Variants in ITIH2 observed in about 807,000 individuals in gnomAD.
The protein encoded by ITIH2 is inter-alpha-trypsin inhibitor heavy chain H2.
ITIH2 carries 103 observed loss-of-function variants against 104.4 expected under a neutral mutation model. The observed-to-expected ratio is 0.99, with a 90% CI of 0.84 to 1.16. ITIH2 has a LOEUF of 1.16. Ranked by LOEUF, ITIH2 falls within the 50% of genes most tolerant of loss-of-function variation. ITIH2 has a pLI of 0.00. For synonymous variants in ITIH2, 436 were observed against 435.4 expected, an observed-to-expected ratio of 1.00 and a Z score of -0.02; for missense variants, 1,108 against 1,162.4, an observed-to-expected ratio of 0.95 and a Z score of 0.68.
At position 7,707,521 on chromosome 10, in the gene ITIH2, C is replaced by T. The variant is rs369660002; in HGVS notation, c.192+288C>T. ...ACTGTATAAATTTATGTATTTATTC[C>T]TACTCAACCTTTTTGATTTATGTAT... is the stretch of plus-strand genomic sequence containing the variant. On this transcript the variant is annotated intron_variant, in intron 3 of 20. Transcript: ENST00000358415. Among the ~76,000 whole-genome samples the T allele has an allele frequency of 9.9e-5, 15 of 151,728 alleles. No homozygotes were observed. In the East Asian group the frequency reaches 1.7e-3, roughly 18 times the overall value.
At chr10:7,727,851 C>T in intron 11 of ITIH2, 23 bp downstream of exon 11, 3 of 1,613,286 alleles carry the variant, frequency 1.9e-6, no homozygotes, top group Non-Finnish European at 2.5e-6. Flanking sequence ...TCAACCTTCT[C>T]ACGACAAACA....
rs1026968652 is a variant in ITIH2 at position 7,721,705 on chromosome 10, G to A, written c.795G>A (p.Arg265=). Residue 265 remains arginine (R), a synonymous_variant, in exon 8 of 21, where the codon CGG becomes CGA. Coordinates refer to ENST00000358415, the MANE Select transcript of ITIH2 (RefSeq NM_002216.3). ...VAQQRICPNC[R]ETAVDGELVV... ...AGCAGAGAATATGCCCTAACTGCCG[G>A]GAGACTGCGGTAGATGGGGAACTGG... The A allele has an allele frequency of 6.2e-7, 1 of 1,613,846 alleles. No homozygotes were observed. Among genetic ancestry groups the A allele is most frequent in the Non-Finnish European group, 8.5e-7 (1 of 1,179,766 alleles).
At position 7,731,421 on chromosome 10, in the gene ITIH2, T is replaced by G. The variant is rs376423598; in HGVS notation, c.1462-390T>G. On this transcript the variant is annotated intron_variant, in intron 12 of 20. Transcript: ENST00000358415. ...AAATTAAGAGGTATCTGCTGATTCTTTGAAGAATCTCAGAGTAAAATGTTT... is the reference window on the plus strand; with the variant it reads ...AAATTAAGAGGTATCTGCTGATTCTGTGAAGAATCTCAGAGTAAAATGTTT... Among the ~76,000 whole-genome samples, 5 of 152,186 alleles carry G rather than the reference T, an allele frequency of 3.3e-5. No homozygotes were observed. The East Asian group carries it at 5.8e-4, about 18-fold the overall frequency.
At chr10:7,727,250 T>C in intron 10 of ITIH2, 132 bp downstream of exon 10, 1 of 705,386 alleles carries the variant, frequency 1.4e-6, no homozygotes, top group Non-Finnish European at 2.3e-6. Flanking sequence ...AATACATTTA[T>C]TGGTAATGGA....
At chr10:7,745,106 G>T in intron 19 of ITIH2, 143 bp downstream of exon 19, 1 of 669,308 alleles carries the variant, frequency 1.5e-6, no homozygotes, top group Admixed American at 3.1e-5. Flanking sequence ...GGGGTCGCTC[G>T]GGAATGTGAC....
intron 4 of ITIH2, among the ~76,000 whole-genome samples, chr10:7,709,574 C>T (rs1052927389): frequency 1.3e-5 from 2 of 151,596 alleles, no homozygotes; most frequent in Non-Finnish European, 2.9e-5. Context: ...AAAAAAAAAA[C>T]AAGTTGAGAA....
intron 20 of ITIH2, among the ~76,000 whole-genome samples, chr10:7,747,150 C>T (rs911587031): frequency 2.6e-5 from 4 of 152,196 alleles, no homozygotes; most frequent in African/African-American, 7.2e-5. Context: ...CCCCCATATG[C>T]TTCATCTGAA....
At chr10:7,738,923 T>G (rs1400351519) in intron 16 of ITIH2, among the ~76,000 whole-genome samples, 165 bp downstream of exon 16, 1 of 152,190 alleles carries the variant, frequency 6.6e-6, no homozygotes, top group Non-Finnish European at 1.5e-5. Context: ...ACAGCTTATT[T>G]TGTTTGTTTT....
Position 7,744,923 on chromosome 10 carries a change from C to T in ITIH2, c.2541C>T (p.Pro847=), listed in dbSNP as rs777011529. ...TTGACTTTCTGGGAATCTACATACCCCCTACAAACAAGTTCTCACCTAAAG... is the reference window on the plus strand; with the variant it reads ...TTGACTTTCTGGGAATCTACATACCTCCTACAAACAAGTTCTCACCTAAAG... ...VNVDFLGIYI[P]PTNKFSPKAH... The change falls in exon 19 of 21, where the codon CCC becomes CCT. Residue 847 remains proline (P), a synonymous_variant. Transcript: ENST00000358415. The T allele has an allele frequency of 1.2e-6, 2 of 1,614,116 alleles. No individual in the cohort carries two copies. The highest frequency in any genetic ancestry group is 1.1e-5 in the South Asian group (1 of 91,084).
At chr10:7,735,735 C>G (rs1462688893) in intron 15 of ITIH2, among the ~76,000 whole-genome samples, 1 of 148,750 alleles carries the variant, frequency 6.7e-6, no homozygotes, top group Non-Finnish European at 1.5e-5. Flanking sequence ...CACAATGGCA[C>G]GATCTCAGCT....
At chr10:7,712,558 C>T (rs993543709) in intron 4 of ITIH2, among the ~76,000 whole-genome samples, 3 of 152,036 alleles carry the variant, frequency 2.0e-5, no homozygotes, top group Admixed American at 6.6e-5. Context: ...AAAGGGGATA[C>T]CCAAAGAGAA....
chr10:7,737,429 A>G (rs775696207), intron 15 of ITIH2, among the ~76,000 whole-genome samples: 2 of 129,306 alleles, frequency 1.5e-5, no homozygotes, highest in East Asian at 2.7e-4. Context: ...ATATATATAC[A>G]CGTGTATATA....
In ITIH2 at chr10:7,727,825, G is replaced by A; in HGVS notation, c.1276G>A (p.Val426Met). The A allele has an allele frequency of 6.2e-7, 1 of 1,614,162 alleles. No individual in the cohort carries two copies. Among genetic ancestry groups the A allele is most frequent in the Non-Finnish European group, 8.5e-7 (1 of 1,180,004 alleles). ...IILVSDGDPT[V>M]GELKLSKIQK... ...TTTGGTTTCTGATGGAGATCCAACA[G>A]TGGGCAAGTGTCACTTCAACCTTCT... The change falls in exon 11 of 21, where the codon GTG (valine) becomes ATG (methionine). Residue 426 changes from valine to methionine, a missense_variant. Val to Met is a conservative substitution (Grantham distance 21, BLOSUM62 1). Transcript: ENST00000358415.
At chr10:7,711,496 T>C (rs1834796918) in intron 4 of ITIH2, among the ~76,000 whole-genome samples, 1 of 152,086 alleles carries the variant, frequency 6.6e-6, no homozygotes, top group Non-Finnish European at 1.5e-5. Flanking sequence ...ATATCCCTTT[T>C]ACCTTTTTAT....
chr10:7,703,882 A>C (rs1467459673), intron 1 of ITIH2, among the ~76,000 whole-genome samples: 2 of 152,234 alleles, frequency 1.3e-5, no homozygotes, highest in Non-Finnish European at 2.9e-5. Flanking sequence ...TGGACTAGTA[A>C]GTGCTTAATA....
intron 16 of ITIH2, among the ~76,000 whole-genome samples, chr10:7,741,851 C>T (rs1353611779): frequency 6.6e-6 from 1 of 152,178 alleles, no homozygotes; most frequent in Non-Finnish European, 1.5e-5. Flanking sequence ...AAATCATAAA[C>T]TCTTCTACCT....
In ITIH2 at chr10:7,703,538, T is replaced by C; in HGVS notation, c.84+20T>C. ...TCTGAAGTAAGTACTTACAGATCAC[T>C]CCTTGCTGTTGGCTTGTTCATGAGC... On this transcript the variant is annotated intron_variant, in intron 1 of 20. Transcript: ENST00000358415. The C allele has an allele frequency of 6.7e-7, 1 of 1,485,536 alleles. No homozygotes were observed. Among genetic ancestry groups the C allele is most frequent in the Non-Finnish European group, 9.4e-7 (1 of 1,063,834 alleles). 92.0% of individuals were successfully genotyped at this position (1,485,536 alleles called of 1,614,324 possible).
In ITIH2 at chr10:7,749,390, T is replaced by C. The variant is rs907496640; in HGVS notation, c.*56T>C. On this transcript the variant is annotated 3_prime_UTR_variant, in exon 21 of 21. Transcript: ENST00000358415. Reference sequence around the variant, plus strand: ...AATATACATCTTTCCCCTGTCACTTTTGCAGATATTCTTCGGTTTGAATAA... The same window carrying C: ...AATATACATCTTTCCCCTGTCACTTCTGCAGATATTCTTCGGTTTGAATAA... 7.0e-7 allele frequency: 1 copy of C among 1,430,814 alleles called. No individual in the cohort carries two copies. The allele number at this position is 1,430,814 out of a possible 1,614,324, so 88.6% of individuals were successfully genotyped here.
In ITIH2 at chr10:7,749,437, G is replaced by T. The variant is rs1835216512; in HGVS notation, c.*103G>T. On this transcript the variant is annotated 3_prime_UTR_variant, in exon 21 of 21. Transcript: ENST00000358415. ...ATAATTAAAATGAACCAGATATCAG[G>T]GTGGTTAATTAAAATGAACCAGATA... The T allele has an allele frequency of 5.9e-6, 6 of 1,011,696 alleles. No individual in the cohort carries two copies. In the Admixed American group the frequency reaches 1.5e-4, roughly 25 times the overall value. The allele number at this position is 1,011,696 out of a possible 1,614,324, so 62.7% of individuals were successfully genotyped here.
Sources: allele counts gnomAD v4.1 joint callset (sites outside exome capture counted in the v4.1 genomes callset), GRCh38; gene constraint gnomAD v4.1.1; transcripts MANE v1.5; gene names NCBI Gene and HGNC (gene_info 2026-07-23, HGNC 2026-07-21).